The following LSP1 variants were observed in gnomAD, a reference collection of about 807,000 sequenced individuals.
The protein encoded by LSP1 is lymphocyte specific protein 1, also known as lymphocyte-specific protein 1.
LSP1 carries 32 observed loss-of-function variants against 49.3 expected under a neutral mutation model. The ratio of observed to expected loss-of-function variants is 0.65; its 90% CI spans 0.49 to 0.87. The LOEUF is 0.87. Among genes scored for constraint, LSP1 ranks in the 40% least tolerant of loss-of-function variants. The probability of loss-of-function intolerance (pLI) is 0.00; values close to 1 mark genes in which losing one functional copy is unlikely to be tolerated. For synonymous variants in LSP1, 179 were observed against 178.8 expected, an observed-to-expected ratio of 1.00 and a Z score of -0.01; for missense variants, 428 against 442.6, an observed-to-expected ratio of 0.97 and a Z score of 0.30.
chr11:1,883,274 G>A (rs1589829050), intron 3 of LSP1, 145 bp from the exon 4 acceptor site: 1 of 1,001,170 alleles, frequency 1.0e-6, no homozygotes, highest in East Asian at 2.4e-5. Context: ...CTTTCCCAAT[G>A]GGCTTGGGTC....
chr11:1,857,323 T>A (rs1404576897), intron 1 of LSP1, among the ~76,000 whole-genome samples: 1 of 152,208 alleles, frequency 6.6e-6, no homozygotes, highest in Non-Finnish European at 1.5e-5. Flanking sequence ...GGGGTCCAGC[T>A]GGGACAGGCC....
At chr11:1,889,233 CG>C (rs1848881413) in intron 10 of LSP1, 1 of 673,988 alleles carries the variant, frequency 1.5e-6, no homozygotes, top group Non-Finnish European at 2.8e-6. Context: ...GGGAGGGGGC[CG>C]GGTGGCCTCC....
chr11:1,883,344 G>A, intron 3 of LSP1, 75 bp from the exon 4 acceptor site: 2 of 1,553,666 alleles, frequency 1.3e-6, no homozygotes, highest in Non-Finnish European at 1.8e-6. Flanking sequence ...GGGAAACTGA[G>A]GCTTGGAAAA....
intron 3 of LSP1, among the ~76,000 whole-genome samples, chr11:1,883,211 C>A (rs1848620063): frequency 6.6e-6 from 1 of 152,262 alleles, no homozygotes; most frequent in South Asian, 2.1e-4. Context: ...GGGCCTCAGG[C>A]CCTGACACAG....
At chr11:1,860,454 A>G (rs1369207157) in intron 1 of LSP1, among the ~76,000 whole-genome samples, 2 of 152,180 alleles carry the variant, frequency 1.3e-5, no homozygotes, top group African/African-American at 4.8e-5. Context: ...CATAAATAGA[A>G]AGAATTATTT....
intron 1 of LSP1, chr11:1,870,392 C>A: frequency 8.1e-7 from 1 of 1,237,802 alleles, no homozygotes; most frequent in Non-Finnish European, 1.0e-6. Flanking sequence ...GGGGCAGACT[C>A]TTTTCTGCTC....
intron 1 of LSP1, among the ~76,000 whole-genome samples, chr11:1,856,496 C>G (rs935810246): frequency 2.0e-5 from 3 of 152,262 alleles, no homozygotes; most frequent in Non-Finnish European, 4.4e-5. Flanking sequence ...CTGGCAGCAC[C>G]TGCCATGGAC....
At chr11:1,869,725 G>A (rs1459219500) in intron 1 of LSP1, 4 of 470,668 alleles carry the variant, frequency 8.5e-6, no homozygotes, top group Non-Finnish European at 1.8e-5. Context: ...ACGCAGTGAG[G>A]CCAGGCGAGG....
At chr11:1,855,474 C>A (rs1355054208) in intron 1 of LSP1, among the ~76,000 whole-genome samples, 5 of 152,204 alleles carry the variant, frequency 3.3e-5, no homozygotes, top group Non-Finnish European at 5.9e-5. Context: ...GTGGGTCCAG[C>A]CCCTCAGACT....
At chr11:1,872,303 G>A (rs1258208743) in intron 1 of LSP1, among the ~76,000 whole-genome samples, 3 of 136,274 alleles carry the variant, frequency 2.2e-5, no homozygotes, top group Admixed American at 7.2e-5. Flanking sequence ...TTTGGGACGG[G>A]GTCTCTGTGG....
At chr11:1,868,263 A>C (rs1460207610) in intron 1 of LSP1, among the ~76,000 whole-genome samples, 2 of 152,206 alleles carry the variant, frequency 1.3e-5, no homozygotes, top group Non-Finnish European at 2.9e-5. Context: ...CCCGGAGTGA[A>C]GAGGGGGGCT....
At chr11:1,859,918 C>A (rs1283888656) in intron 1 of LSP1, among the ~76,000 whole-genome samples, 2 of 152,224 alleles carry the variant, frequency 1.3e-5, no homozygotes, top group African/African-American at 2.4e-5. Flanking sequence ...CCCTGACCTC[C>A]CCTGTCCCCA....
intron 1 of LSP1, among the ~76,000 whole-genome samples, chr11:1,858,876 A>G (rs533763540): frequency 1.4e-4 from 21 of 152,298 alleles, no homozygotes; most frequent in South Asian, 2.1e-4. Context: ...CAGGCAGACA[A>G]GGGAGGAGGG....
At chr11:1,871,525 C>T in intron 1 of LSP1, 1 of 959,960 alleles carries the variant, frequency 1.0e-6, no homozygotes, top group Non-Finnish European at 1.2e-6. Context: ...CAATGGGAAG[C>T]CAGGGGTAGA....
At chr11:1,890,909 T>C in intron 10 of LSP1, 1 of 323,510 alleles carries the variant, frequency 3.1e-6, no homozygotes, top group Admixed American at 4.3e-5. Flanking sequence ...GTACACAGCC[T>C]GGGTCAGGCC....
chr11:1,879,156 C>A (rs1046428258), intron 1 of LSP1, among the ~76,000 whole-genome samples: 24 of 152,206 alleles, frequency 1.6e-4, no homozygotes, highest in African/African-American at 5.5e-4. Context: ...ACCAGCCTGA[C>A]CAACATGGAG....
At chr11:1,853,465 C>A (rs1847411434) in intron 1 of LSP1, among the ~76,000 whole-genome samples, 1 of 152,208 alleles carries the variant, frequency 6.6e-6, no homozygotes, top group African/African-American at 2.4e-5. Context: ...GGATCCTAAG[C>A]CCATGGTGGA....
chr11:1,890,283 GGGCGTGGGGCTTCAGGAA>G (rs1565091811), intron 10 of LSP1: 7 of 712,434 alleles, frequency 9.8e-6, no homozygotes, highest in South Asian at 3.0e-5. Flanking sequence ...AGCCTCGGCG[GGGCGTGGGGCTTCAGGAA>G]GGCGTGGGGC....
chr11:1,855,289 C>T (rs1270750823), intron 1 of LSP1, among the ~76,000 whole-genome samples: 1 of 152,186 alleles, frequency 6.6e-6, no homozygotes, highest in African/African-American at 2.4e-5. Flanking sequence ...TGGGAAGCCC[C>T]CACACGGGAG....
Sources: allele counts gnomAD v4.1 joint callset (sites outside exome capture counted in the v4.1 genomes callset), GRCh38; gene constraint gnomAD v4.1.1; transcripts MANE v1.5; gene names NCBI Gene and HGNC (gene_info 2026-07-23, HGNC 2026-07-21).